DCC: variants seen among roughly 807,000 people sequenced by gnomAD.
The protein encoded by DCC is netrin receptor DCC.
Under a neutral mutation model 172.5 loss-of-function variants are expected in DCC, and 58 were observed. That is an observed-to-expected ratio of 0.34 (90% CI 0.27 to 0.42). The LOEUF is 0.42. Ranked by LOEUF, DCC falls within the 10% of genes least tolerant of loss-of-function variation. The probability of loss-of-function intolerance (pLI) is 1.00; values close to 1 mark genes in which losing one functional copy is unlikely to be tolerated. For missense variants in DCC, 1,740 were observed against 1,791.0 expected (o/e 0.97, Z 0.51); for synonymous variants, 709 against 644.5 (o/e 1.10, Z -1.52).
At chr18:53,187,290 G>C (rs945773899) in intron 9 of DCC, among the ~76,000 whole-genome samples, 24 of 151,602 alleles carry the variant, frequency 1.6e-4, no homozygotes, top group Admixed American at 1.6e-3. Context: ...ACCTGGCAAA[G>C]TTTTTGTATT....
At chr18:52,869,186 G>A (rs534393449) in intron 2 of DCC, among the ~76,000 whole-genome samples, 5 of 152,298 alleles carry the variant, frequency 3.3e-5, no homozygotes, top group East Asian at 3.9e-4. Context: ...CCAAGTTCTC[G>A]TCCCGCAACC....
At chr18:53,087,008 A>G (rs2042923458) in intron 7 of DCC, among the ~76,000 whole-genome samples, 1 of 151,690 alleles carries the variant, frequency 6.6e-6, no homozygotes, top group East Asian at 2.0e-4. Flanking sequence ...TCATTGTTGG[A>G]CATTTGCGTT....
At chr18:53,172,492 T>C (rs778928551) in intron 8 of DCC, among the ~76,000 whole-genome samples, 18 of 152,118 alleles carry the variant, frequency 1.2e-4, no homozygotes, top group Non-Finnish European at 2.2e-4. Context: ...AAAAATAAAA[T>C]ACAGAATAAT....
At chr18:53,086,834 G>C (rs1378039756) in intron 7 of DCC, among the ~76,000 whole-genome samples, 1 of 135,238 alleles carries the variant, frequency 7.4e-6, no homozygotes, top group Non-Finnish European at 1.5e-5. Context: ...TCCCACCTAT[G>C]AGTGAGAATA....
At chr18:52,775,106 G>A (rs1291166783) in intron 2 of DCC, among the ~76,000 whole-genome samples, 1 of 152,210 alleles carries the variant, frequency 6.6e-6, no homozygotes, top group Non-Finnish European at 1.5e-5. Context: ...GTTTCCCTTC[G>A]TCCACGCTCA....
intron 2 of DCC, among the ~76,000 whole-genome samples, chr18:52,789,802 C>A (rs2037725801): frequency 6.6e-6 from 1 of 152,046 alleles, no homozygotes; most frequent in African/African-American, 2.4e-5. Context: ...TAGGCTGAAC[C>A]AACTTTGGGA....
chr18:52,965,584 T>G (rs951426736), intron 5 of DCC, among the ~76,000 whole-genome samples: 3 of 152,182 alleles, frequency 2.0e-5, no homozygotes, highest in Admixed American at 6.5e-5. Flanking sequence ...ATTTTTGTGT[T>G]TTTTTCTTTC....
At chr18:53,353,995 G>A (rs2144913009) in intron 15 of DCC, among the ~76,000 whole-genome samples, 1 of 152,248 alleles carries the variant, frequency 6.6e-6, no homozygotes, top group African/African-American at 2.4e-5. Context: ...TCCCACCTAT[G>A]AGTGAGAACA....
intron 1 of DCC, among the ~76,000 whole-genome samples, chr18:52,498,495 G>A (rs2030888747): frequency 1.3e-5 from 2 of 151,948 alleles, no homozygotes; most frequent in African/African-American, 4.8e-5. Context: ...ATGGTGGCAG[G>A]AGCCTGTAAT....
chr18:53,213,772 G>A (rs537551795), intron 11 of DCC, among the ~76,000 whole-genome samples: 2 of 149,980 alleles, frequency 1.3e-5, no homozygotes, highest in South Asian at 4.2e-4. Context: ...ATGATATAGA[G>A]CATGTTATTT....
intron 7 of DCC, among the ~76,000 whole-genome samples, chr18:53,128,868 C>CATAT (rs1461421322): frequency 1.4e-4 from 8 of 57,436 alleles, no homozygotes; most frequent in South Asian, 8.4e-4. Context: ...CACACACACA[C>CATAT]ACATATATAT....
intron 5 of DCC, among the ~76,000 whole-genome samples, chr18:52,955,068 A>G (rs185841951): frequency 8.3e-4 from 127 of 152,260 alleles, no homozygotes; most frequent in African/African-American, 2.9e-3. Flanking sequence ...TTATCACCCA[A>G]GGTCCATAAT....
chr18:53,054,810 C>T (rs1293897949), intron 5 of DCC, among the ~76,000 whole-genome samples: 2 of 152,052 alleles, frequency 1.3e-5, no homozygotes, highest in African/African-American at 4.8e-5. Flanking sequence ...TGTTTCTCAG[C>T]AAATTGTGCT....
Position 52,344,217 on chromosome 18 carries a change from C to T in DCC, c.91+3339C>T, listed in dbSNP as rs972030236. ...ATTGTTTTCATTGAAGAGGAAGAGC[C>T]TTAATCCTACCTAAATTCCTGAATG... On this transcript the variant is annotated intron_variant, in intron 1 of 28. Coordinates refer to ENST00000442544, the MANE Select transcript of DCC (RefSeq NM_005215.4). Among the ~76,000 whole-genome samples, 3 of 152,170 alleles carry T rather than the reference C, an allele frequency of 2.0e-5. No individual in the cohort carries two copies. The East Asian group carries it at 5.8e-4, about 29-fold the overall frequency.
At chr18:52,789,657 G>A (rs907455456) in intron 2 of DCC, among the ~76,000 whole-genome samples, 1 of 152,102 alleles carries the variant, frequency 6.6e-6, no homozygotes, top group Non-Finnish European at 1.5e-5. Context: ...GAGTGTACAA[G>A]GTATTTTCAA....
chr18:53,292,618 G>C lies in DCC; in HGVS notation c.1912-12960G>C, dbSNP rs1049945022. Among the ~76,000 whole-genome samples, 3 of 152,316 alleles carry C rather than the reference G, an allele frequency of 2.0e-5. No homozygotes were observed. In the South Asian group the frequency reaches 6.2e-4, roughly 32 times the overall value. On this transcript the variant is annotated intron_variant, in intron 12 of 28. Coordinates refer to ENST00000442544, the MANE Select transcript of DCC (RefSeq NM_005215.4). ...GCAGGAGAATCACTTGAACCCGGGA[G>C]GTGGAGCTTGCAGTGAGCCGAGATC...
chr18:52,673,868 GC>G (rs1468880828), intron 1 of DCC, among the ~76,000 whole-genome samples: 3 of 152,156 alleles, frequency 2.0e-5, no homozygotes, highest in Non-Finnish European at 2.9e-5. Context: ...AGTTGGTAGT[GC>G]CTCCACTAGG....
rs371031258 is a variant in DCC at position 53,315,749 on chromosome 18, A to G, written c.2054-6298A>G. On this transcript the variant is annotated intron_variant, in intron 13 of 28. Transcript: ENST00000442544. ...TTTTTTTCATATATTTTTTGGCCCC[A>G]GGAATGTCTTCTTTTGTAGTAGTAT... Among the ~76,000 whole-genome samples, 4 of 151,972 alleles carry G rather than the reference A, an allele frequency of 2.6e-5. No individual in the cohort carries two copies. The East Asian group carries it at 5.8e-4, about 22-fold the overall frequency.
chr18:52,763,192 G>T (rs1490407773), intron 2 of DCC, among the ~76,000 whole-genome samples: 1 of 152,138 alleles, frequency 6.6e-6, no homozygotes, highest in Non-Finnish European at 1.5e-5. Flanking sequence ...TGCTCATCAG[G>T]TTCATTTACT....
Sources: gnomAD v4.1 joint callset for allele counts (sites outside exome capture counted in the v4.1 genomes callset) on GRCh38, gnomAD v4.1.1 for gene constraint, MANE v1.5 for transcripts, NCBI Gene and HGNC (gene_info 2026-07-23, HGNC 2026-07-21) for gene names.